ATP9B: variants seen among roughly 807,000 people sequenced by gnomAD.
ATP9B encodes probable phospholipid-transporting ATPase IIB.
Under a neutral mutation model 146.1 loss-of-function variants are expected in ATP9B, and 110 were observed. That is an observed-to-expected ratio of 0.75 (90% CI 0.65 to 0.88). ATP9B has a LOEUF of 0.88. Among genes scored for constraint, ATP9B ranks in the 40% least tolerant of loss-of-function variants. The pLI, the probability that ATP9B is intolerant of heterozygous loss-of-function variation, is 0.00. For missense variants in ATP9B, 1,499 were observed against 1,496.4 expected (o/e 1.00, Z -0.03); for synonymous variants, 604 against 569.7 (o/e 1.06, Z -0.86).
intron 12 of ATP9B, among the ~76,000 whole-genome samples, chr18:79,274,176 G>A (rs35190220): frequency 6.6e-6 from 1 of 151,800 alleles, no homozygotes; most frequent in South Asian, 2.1e-4. Flanking sequence ...TTGAGGGGGG[G>A]TGACATATTA....
intron 11 of ATP9B, among the ~76,000 whole-genome samples, chr18:79,229,285 A>T (rs1382454276): frequency 1.3e-5 from 2 of 152,178 alleles, no homozygotes; most frequent in Non-Finnish European, 2.9e-5. Flanking sequence ...AGGTTCATTA[A>T]CCTGTGGAAA....
chr18:79,144,438 C>T (rs968409416), intron 6 of ATP9B, among the ~76,000 whole-genome samples: 3 of 152,218 alleles, frequency 2.0e-5, no homozygotes, highest in Non-Finnish European at 4.4e-5. Context: ...TGTTCCACCT[C>T]AGATCATCAG....
At chr18:79,202,433 A>T (rs1414514692) in intron 9 of ATP9B, among the ~76,000 whole-genome samples, 1 of 152,178 alleles carries the variant, frequency 6.6e-6, no homozygotes, top group Non-Finnish European at 1.5e-5. Context: ...ACCATAGCAC[A>T]CTTACATTGT....
chr18:79,154,319 T>C (rs2094739622), intron 6 of ATP9B, among the ~76,000 whole-genome samples, 185 bp from the exon 7 acceptor site: 1 of 152,118 alleles, frequency 6.6e-6, no homozygotes, highest in South Asian at 2.1e-4. Flanking sequence ...AAAAAAATCT[T>C]AGCATTTCAA....
chr18:79,166,010 G>A (rs2094959125), intron 7 of ATP9B, among the ~76,000 whole-genome samples: 1 of 152,114 alleles, frequency 6.6e-6, no homozygotes, highest in Non-Finnish European at 1.5e-5. Context: ...GTGCCCACTT[G>A]ATGACCTGAG....
intron 5 of ATP9B, among the ~76,000 whole-genome samples, chr18:79,140,671 T>A (rs2094502747): frequency 6.6e-6 from 1 of 151,830 alleles, no homozygotes. Flanking sequence ...ATCCAGCTAC[T>A]TGGGAGGCTG....
chr18:79,221,244 A>C (rs73971579), intron 11 of ATP9B, among the ~76,000 whole-genome samples: 3,505 of 151,232 alleles, frequency 0.023, 121 homozygotes, highest in African/African-American at 0.073. Flanking sequence ...ACCACCGACT[A>C]CCCCCGAGTC....
rs546482716 is a variant in ATP9B at position 79,104,683 on chromosome 18, A to G, written c.294-5672A>G. Among the ~76,000 whole-genome samples the G allele has an allele frequency of 3.3e-5, 5 of 152,214 alleles. No individual in the cohort carries two copies. The South Asian group carries it at 1.0e-3, about 32-fold the overall frequency. Reference sequence around the variant, plus strand: ...AAATATAGATGGTAGCAGCAAAAACACCCGTGTTTGCGGGAGTTAAAACAG... The same window carrying G: ...AAATATAGATGGTAGCAGCAAAAACGCCCGTGTTTGCGGGAGTTAAAACAG... On this transcript the variant is annotated intron_variant, in intron 2 of 29. Transcript: ENST00000426216.
At position 79,169,548 on chromosome 18, in the gene ATP9B, T is replaced by A. The variant is rs572235271; in HGVS notation, c.779-7265T>A. 3.2e-4 allele frequency among the ~76,000 whole-genome samples: 48 copies of A among 152,302 alleles called. 1 individual carries two copies. In the South Asian group the frequency reaches 7.3e-3, roughly 23 times the overall value. ...GTGTTTTTGGACATTTCCTGTAAAA[T>A]CTTCATAAAGTCTCCATTTGCTTTC... On this transcript the variant is annotated intron_variant, in intron 7 of 29. Coordinates refer to ENST00000426216, the MANE Select transcript of ATP9B (RefSeq NM_198531.5).
intron 25 of ATP9B, among the ~76,000 whole-genome samples, chr18:79,348,570 G>A (rs2096905048): frequency 6.6e-6 from 1 of 152,230 alleles, no homozygotes; most frequent in Non-Finnish European, 1.5e-5. Context: ...CCTGTTGTGC[G>A]GCGTGGCCAG....
At chr18:79,325,949 G>T (rs112325245) in intron 15 of ATP9B, among the ~76,000 whole-genome samples, 7 of 137,844 alleles carry the variant, frequency 5.1e-5, no homozygotes, top group Middle Eastern at 3.8e-3. Flanking sequence ...ATGGTGTTAG[G>T]GTGTCATCTC....
rs749712458 is a variant in ATP9B at position 79,344,318 on chromosome 18, T to C, written c.2436T>C (p.His812=). The C allele has an allele frequency of 6.2e-7, 1 of 1,614,208 alleles. No homozygotes were observed. The highest frequency in any genetic ancestry group is 1.1e-5 in the South Asian group (1 of 91,076). The change falls in exon 21 of 30, where the codon CAT becomes CAC. Residue 812 remains histidine, a synonymous_variant. Coordinates refer to ENST00000426216, the MANE Select transcript of ATP9B (RefSeq NM_198531.5). ...HLELNAFRRK[H]DCALVISGDS... ...AGCTGAATGCATTTCGAAGGAAGCA[T>C]GATTGTGCACTAGTCATATCTGGGG... is the stretch of plus-strand genomic sequence containing the variant.
chr18:79,253,463 C>A lies in ATP9B; in HGVS notation c.1190C>A (p.Thr397Asn), dbSNP rs756663580. Residue 397 changes from threonine to asparagine, a missense_variant, in exon 12 of 30, where the codon ACC becomes AAC. By Grantham distance (65) the Thr-to-Asn change is moderately conservative. Coordinates refer to ENST00000426216, the MANE Select transcript of ATP9B (RefSeq NM_198531.5). ...GTTGCTCTTTCCATTGTTATGGTAA[C>A]CTTACAAGGATTTGTGGGTCCATGG... ...ALVALSIVMVTLQGFVGPWYR... is the reference protein window; with the variant it reads ...ALVALSIVMVNLQGFVGPWYR... 3.3e-5 allele frequency: 53 copies of A among 1,613,426 alleles called. No individual in the cohort carries two copies. The highest frequency in any genetic ancestry group is 6.7e-5 in the Admixed American group (4 of 59,898).
chr18:79,177,027 C>T (rs766186365), intron 8 of ATP9B, 120 bp downstream of exon 8: 1 of 798,352 alleles, frequency 1.3e-6, no homozygotes, highest in Non-Finnish European at 1.9e-6. Flanking sequence ...TTTATAATTT[C>T]TTTATTCCTC....
chr18:79,273,375 A>T (rs1373801288), intron 12 of ATP9B, among the ~76,000 whole-genome samples: 1 of 152,194 alleles, frequency 6.6e-6, no homozygotes, highest in Non-Finnish European at 1.5e-5. Flanking sequence ...TATCCCATGA[A>T]AAATGGAAAG....
intron 1 of ATP9B, among the ~76,000 whole-genome samples, chr18:79,073,618 C>T (rs1353233440): frequency 3.3e-5 from 5 of 151,992 alleles, no homozygotes; most frequent in East Asian, 1.9e-4. Flanking sequence ...CCGTGGAAAG[C>T]GGGAGACGGA....
Position 79,213,945 on chromosome 18 carries a change from CT to C in ATP9B, c.1031-14del, listed in dbSNP as rs1568419397. 1 of 1,576,934 alleles carries C rather than the reference CT, an allele frequency of 6.3e-7. No homozygotes were observed. The highest frequency in any genetic ancestry group is 1.2e-5 in the South Asian group (1 of 84,370). ...CTTTAAAGTATTTCTACAAGGACCA[CT>C]TTCATGTTTTTGCAGGTACTGTAAT... On this transcript the variant is annotated splice_polypyrimidine_tract_variant and intron_variant, in intron 10 of 29. Transcript: ENST00000426216.
chr18:79,218,090 G>T (rs1363963007), intron 11 of ATP9B, among the ~76,000 whole-genome samples: 2 of 152,238 alleles, frequency 1.3e-5, no homozygotes, highest in African/African-American at 4.8e-5. Flanking sequence ...ATACTCCGCA[G>T]TGGCTTCCCC....
At chr18:79,320,329 A>T (rs2096708229) in intron 15 of ATP9B, among the ~76,000 whole-genome samples, 1 of 151,996 alleles carries the variant, frequency 6.6e-6, no homozygotes, top group South Asian at 2.1e-4. Context: ...TGCCAGGGGA[A>T]GGGGAGGGGC....
Sources: gnomAD v4.1 joint callset for allele counts (sites outside exome capture counted in the v4.1 genomes callset) on GRCh38, gnomAD v4.1.1 for gene constraint, MANE v1.5 for transcripts, NCBI Gene and HGNC (gene_info 2026-07-23, HGNC 2026-07-21) for gene names.